The following PECAM1 variants were observed in gnomAD, a reference collection of about 807,000 sequenced individuals.
PECAM1 encodes the protein platelet and endothelial cell adhesion molecule 1.
Under a neutral mutation model 13.8 loss-of-function variants are expected in PECAM1, and 8 were observed. The observed-to-expected ratio is 0.58, with a 90% CI of 0.34 to 1.05. The LOEUF (loss-of-function observed/expected upper bound fraction) is 1.05. Ranked by LOEUF, PECAM1 falls within the 50% of genes least tolerant of loss-of-function variation. The probability of loss-of-function intolerance (pLI) is 0.03; values close to 1 mark genes in which losing one functional copy is unlikely to be tolerated. For synonymous variants in PECAM1, 136 were observed against 52.6 expected, an observed-to-expected ratio of 2.58 and a Z score of -6.86; for missense variants, 304 against 141.2, an observed-to-expected ratio of 2.15 and a Z score of -5.84.
At chr17:64,380,452 C>G (rs2143889661) in intron 2 of PECAM1, among the ~76,000 whole-genome samples, 1 of 152,268 alleles carries the variant, frequency 6.6e-6, no homozygotes, top group Admixed American at 6.5e-5. Flanking sequence ...ACACGTCCCC[C>G]CAGAAATTTC....
chr17:64,325,382 C>T (rs542997100), intron 15 of PECAM1, among the ~76,000 whole-genome samples: 62 of 149,908 alleles, frequency 4.1e-4, no homozygotes, highest in African/African-American at 1.0e-3. Flanking sequence ...AGCAAGACTC[C>T]GTCTCAAAAA....
At chr17:64,384,990 T>G (rs2036562561) in intron 2 of PECAM1, among the ~76,000 whole-genome samples, 1 of 152,236 alleles carries the variant, frequency 6.6e-6, no homozygotes, top group Non-Finnish European at 1.5e-5. Flanking sequence ...ACAGAGTGAC[T>G]GTTCACAACC....
At chr17:64,323,977 C>A in intron 15 of PECAM1, 132 bp from the exon 16 acceptor site, 1 of 804,708 alleles carries the variant, frequency 1.2e-6, no homozygotes, top group Non-Finnish European at 2.2e-6. Context: ...CACTGGTCCC[C>A]CACCCTGCAG....
In PECAM1 at chr17:64,348,963, G is replaced by A. The variant is rs1568017240; in HGVS notation, c.2045-641C>T. Among the ~76,000 whole-genome samples, 3 of 152,232 alleles carry A rather than the reference G, an allele frequency of 2.0e-5. 1 individual carries two copies. Among genetic ancestry groups the A allele is most frequent in the East Asian group, 3.9e-4 (2 of 5,182 alleles). ...TCTACAGTGGGGGGACTTGGAACAG[G>A]TCAGTAGAGACAGAAAACAGCCCAG... On this transcript the variant is annotated intron_variant, in intron 12 of 15. Transcript: ENST00000563924.
intron 2 of PECAM1, among the ~76,000 whole-genome samples, chr17:64,387,565 G>A (rs1255262864): frequency 5.3e-5 from 8 of 152,180 alleles, no homozygotes; most frequent in Non-Finnish European, 8.8e-5. Context: ...GCACGTAGGC[G>A]TGGGGTCCTG....
chr17:64,358,974 T>A (rs2035910637), intron 7 of PECAM1, among the ~76,000 whole-genome samples: 1 of 152,054 alleles, frequency 6.6e-6, no homozygotes, highest in Admixed American at 6.6e-5. Flanking sequence ...TTTTTTGTAT[T>A]TTTATTAGAG....
At chr17:64,347,490 A>G (rs2035599081) in intron 13 of PECAM1, among the ~76,000 whole-genome samples, 3 of 149,040 alleles carry the variant, frequency 2.0e-5, no homozygotes, top group Non-Finnish European at 4.4e-5. Context: ...AGATCTCGCA[A>G]CTGCACTCCA....
At chr17:64,336,278 A>AAAG (rs1555647685) in intron 14 of PECAM1, among the ~76,000 whole-genome samples, 3,201 of 149,060 alleles carry the variant, frequency 0.021, 124 homozygotes, top group African/African-American at 0.077. Flanking sequence ...AAAAAAAAAA[A>AAAG]AAAGAAAGAA....
intron 4 of PECAM1, among the ~76,000 whole-genome samples, chr17:64,371,215 G>T (rs1482379601): frequency 1.3e-5 from 2 of 152,138 alleles, no homozygotes; most frequent in Non-Finnish European, 2.9e-5. Flanking sequence ...AGACCTTTAA[G>T]TATGAATCAC....
chr17:64,329,246 G>A (rs1336681321), intron 15 of PECAM1, among the ~76,000 whole-genome samples: 1 of 152,112 alleles, frequency 6.6e-6, no homozygotes, highest in Non-Finnish European at 1.5e-5. Context: ...GTGATCACAT[G>A]TCTGATTCCC....
chr17:64,366,226 C>T (rs1450522222), intron 5 of PECAM1, among the ~76,000 whole-genome samples: 1 of 150,822 alleles, frequency 6.6e-6, no homozygotes, highest in Non-Finnish European at 1.5e-5. Context: ...TGAAAAAATG[C>T]TCACCATCAC....
At chr17:64,353,550 G>A (rs2035780436) in intron 9 of PECAM1, 32 bp from the exon 10 acceptor site, 4 of 464,328 alleles carry the variant, frequency 8.6e-6, no homozygotes, top group Non-Finnish European at 1.6e-5. Context: ...ACCAAAGTCA[G>A]TATACAGTAC....
rs2143847344 is a variant in PECAM1, at chr17:64,370,063, C to T, written c.692-38G>A. On this transcript the variant is annotated intron_variant, in intron 4 of 15. Transcript: ENST00000563924. ...AAGACAACCTGGTTGGACTCAGGTGCAAACCTGGGCAAGAGGAGCCTCTTC... is the reference window on the plus strand; with the variant it reads ...AAGACAACCTGGTTGGACTCAGGTGTAAACCTGGGCAAGAGGAGCCTCTTC... 7.5e-6 allele frequency: 3 copies of T among 398,600 alleles called. No individual in the cohort carries two copies. The East Asian group carries it at 1.1e-4, about 14-fold the overall frequency. The allele number at this position is 398,600 out of a possible 1,614,324, so 24.7% of individuals were successfully genotyped here. A position where few individuals can be genotyped will look rare whatever the true frequency, so the allele number is the denominator to read the frequency against.
intron 13 of PECAM1, 65 bp downstream of exon 13, chr17:64,348,195 G>C (rs7218481): frequency 0.03 from 14,014 of 470,874 alleles, 1,654 homozygotes; most frequent in African/African-American, 0.25. Flanking sequence ...CAGCACCCCC[G>C]CCACCACTGG....
At chr17:64,372,846 C>T (rs1263621494) in intron 4 of PECAM1, among the ~76,000 whole-genome samples, 6 of 150,792 alleles carry the variant, frequency 4.0e-5, no homozygotes, top group East Asian at 4.0e-4. Context: ...CCAGGTGTGG[C>T]GGCTCATGCC....
intron 13 of PECAM1, among the ~76,000 whole-genome samples, chr17:64,343,603 T>A (rs2143741539): frequency 6.6e-6 from 1 of 152,304 alleles, no homozygotes; most frequent in Non-Finnish European, 1.5e-5. Flanking sequence ...GTGGCTCCTG[T>A]GTCAGGAACC....
At chr17:64,328,388 G>A (rs996050518) in intron 15 of PECAM1, among the ~76,000 whole-genome samples, 2 of 152,184 alleles carry the variant, frequency 1.3e-5, no homozygotes, top group Non-Finnish European at 2.9e-5. Context: ...AGGACTGGCC[G>A]CAGAGTATAG....
chr17:64,334,967 G>A (rs1460538896), intron 14 of PECAM1, among the ~76,000 whole-genome samples: 5 of 152,074 alleles, frequency 3.3e-5, no homozygotes, highest in East Asian at 1.9e-4. Flanking sequence ...GAGCCTTAGC[G>A]TGGCACAATC....
intron 13 of PECAM1, among the ~76,000 whole-genome samples, chr17:64,345,192 G>A (rs1004990611): frequency 2.0e-5 from 3 of 151,986 alleles, no homozygotes; most frequent in East Asian, 1.9e-4. Context: ...AACCAGGGCC[G>A]GGCGCAGTGG....
Sources: allele counts gnomAD v4.1 joint callset (sites outside exome capture counted in the v4.1 genomes callset), GRCh38; gene constraint gnomAD v4.1.1; transcripts MANE v1.5; gene names NCBI Gene and HGNC (gene_info 2026-07-23, HGNC 2026-07-21).